PLEKHG1: variants seen among roughly 807,000 people sequenced by gnomAD.
PLEKHG1 encodes pleckstrin homology domain-containing family G member 1.
A neutral mutation model predicts 100.8 loss-of-function variants in PLEKHG1; 44 were observed. The observed-to-expected ratio is 0.44, with a 90% confidence interval of 0.34 to 0.56. The LOEUF (loss-of-function observed/expected upper bound fraction) is 0.56. Ranked by LOEUF, PLEKHG1 falls within the 20% of genes least tolerant of loss-of-function variation. The pLI is 0.01. For missense variants in PLEKHG1, 1,545 were observed against 1,720.9 expected (o/e 0.90, Z 1.81); for synonymous variants, 640 against 662.5 (o/e 0.97, Z 0.52).
intron 7 of PLEKHG1, among the ~76,000 whole-genome samples, 157 bp downstream of exon 8, chr6:150,804,898 A>C (rs1786965773): frequency 6.6e-6 from 1 of 151,364 alleles, no homozygotes; most frequent in African/African-American, 2.4e-5. Context: ...AATACCCATC[A>C]TTGTCTAGTA....
chr6:150,700,892 C>T (rs892935410), intron 3 of PLEKHG1, among the ~76,000 whole-genome samples: 4 of 152,288 alleles, frequency 2.6e-5, no homozygotes, highest in South Asian at 2.1e-4. Context: ...GGGTACTTCC[C>T]TCTCTCTCTA....
chr6:150,816,949 T>C (rs1775995913), intron 10 of PLEKHG1, among the ~76,000 whole-genome samples: 1 of 152,176 alleles, frequency 6.6e-6, no homozygotes, highest in Non-Finnish European at 1.5e-5. Context: ...TATGAGTATC[T>C]AATGCTGCCA....
chr6:150,723,180 G>A (rs538598152), intron 1 of PLEKHG1, among the ~76,000 whole-genome samples: 33 of 152,142 alleles, frequency 2.2e-4, no homozygotes, highest in Non-Finnish European at 1.8e-4. Flanking sequence ...ACTTGGAGAA[G>A]TCACCTAGTC....
intron 14 of PLEKHG1, among the ~76,000 whole-genome samples, chr6:150,825,005 T>C (rs1776517303): frequency 6.6e-6 from 1 of 152,136 alleles, no homozygotes; most frequent in African/African-American, 2.4e-5. Flanking sequence ...TCCCTGCTCT[T>C]CAAAGCAGCC....
chr6:150,744,016 A>G (rs1232954456), intron 2 of PLEKHG1, among the ~76,000 whole-genome samples: 4 of 152,182 alleles, frequency 2.6e-5, no homozygotes, highest in Non-Finnish European at 4.4e-5. Flanking sequence ...AGTTTGTAAG[A>G]AAACTGAATG....
intron 3 of PLEKHG1, among the ~76,000 whole-genome samples, chr6:150,696,495 C>T (rs1209186527): frequency 6.6e-6 from 1 of 152,180 alleles, no homozygotes; most frequent in African/African-American, 2.4e-5. Flanking sequence ...GGCACGCACG[C>T]ACTTTCTCCC....
chr6:150,751,613 C>G (rs1783514331), intron 2 of PLEKHG1, among the ~76,000 whole-genome samples: 1 of 152,202 alleles, frequency 6.6e-6, no homozygotes, highest in Non-Finnish European at 1.5e-5. Flanking sequence ...TCACTAAGAG[C>G]CTATTTACCC....
chr6:150,702,557 G>GGGGTGTGTGT (rs1554261632), intron 3 of PLEKHG1, among the ~76,000 whole-genome samples: 82 of 142,916 alleles, frequency 5.7e-4, no homozygotes, highest in Middle Eastern at 3.5e-3. Context: ...TTTGTTTTGG[G>GGGGTGTGTGT]GTGTGTGTGT....
chr6:150,837,748 ATAT>A lies in PLEKHG1; in HGVS notation c.3095-2081_3095-2079del, dbSNP rs1777306597. Among the ~76,000 whole-genome samples, 3 of 152,386 alleles carry A rather than the reference ATAT, an allele frequency of 2.0e-5. No homozygotes were observed. In the South Asian group the frequency reaches 6.2e-4, roughly 32 times the overall value. On this transcript the variant is annotated intron_variant, in intron 15 of 15. Coordinates refer to ENST00000358517, the Ensembl canonical transcript of PLEKHG1. ...TTGATTGGGTTTCATAGTTAATGAA[ATAT>A]TATAGTTTCAGGATGGCTACCATGG...
At chr6:150,798,214 T>A (rs968207081) in intron 5 of PLEKHG1, among the ~76,000 whole-genome samples, 2 of 152,040 alleles carry the variant, frequency 1.3e-5, no homozygotes, top group African/African-American at 4.8e-5. Context: ...TCAGCCCTCA[T>A]CTTCTCCACA....
At position 150,771,858 on chromosome 6, in the gene PLEKHG1, C is replaced by CT. The variant is rs1477605582; in HGVS notation, c.512+3126dup. ...CTGAAAAATTCAACTGACTAGGTTT[C>CT]TTTTTTCAGTAAAGATTTCCAAAAT... On this transcript the variant is annotated intron_variant, in intron 3 of 15. Coordinates refer to ENST00000358517, the Ensembl canonical transcript of PLEKHG1. 2.0e-5 allele frequency among the ~76,000 whole-genome samples: 3 copies of CT among 152,204 alleles called. No homozygotes were observed. In the East Asian group the frequency reaches 5.8e-4, roughly 29 times the overall value.
In PLEKHG1 at chr6:150,813,846, T is replaced by A. The variant is rs147482021; in HGVS notation, c.1278+4112T>A. Among the ~76,000 whole-genome samples, 1,194 of 152,050 alleles carry A rather than the reference T, an allele frequency of 7.9e-3. 18 individuals carry two copies. The highest frequency in any genetic ancestry group is 0.028 in the African/African-American group (1,144 of 41,444). ...GTGGTCAAGGAACTAGGGTGGTGGG[T>A]GGATTATTCACATGGATGGTGAAAC... On this transcript the variant is annotated intron_variant, in intron 10 of 15. Transcript: ENST00000358517.
intron 3 of PLEKHG1, among the ~76,000 whole-genome samples, chr6:150,678,063 C>CATAT (rs201616866): frequency 0.18 from 10,687 of 59,694 alleles, 1,274 homozygotes; most frequent in East Asian, 0.22. Context: ...TGTTTTGATG[C>CATAT]ATATATATAT....
At chr6:150,759,766 A>C (rs991030648) in intron 2 of PLEKHG1, among the ~76,000 whole-genome samples, 2 of 152,170 alleles carry the variant, frequency 1.3e-5, no homozygotes, top group Admixed American at 6.5e-5. Flanking sequence ...GCACTTTGGG[A>C]GGCTGAGGTG....
At chr6:150,813,475 T>C (rs1340055410) in intron 10 of PLEKHG1, among the ~76,000 whole-genome samples, 3 of 148,136 alleles carry the variant, frequency 2.0e-5, no homozygotes, top group Non-Finnish European at 4.5e-5. Flanking sequence ...GTGTGTGGGT[T>C]CCTCCAGGTT....
chr6:150,832,347 C>T, intron 15 of PLEKHG1, 142 bp downstream of exon 16: 3 of 665,954 alleles, frequency 4.5e-6, no homozygotes, highest in South Asian at 4.2e-5. Context: ...ACAGACAAAG[C>T]CATACTGGCC....
chr6:150,730,541 G>A (rs1040831296), intron 1 of PLEKHG1, among the ~76,000 whole-genome samples: 12 of 152,080 alleles, frequency 7.9e-5, no homozygotes, highest in Non-Finnish European at 1.8e-4. Context: ...CTTGCCCATC[G>A]CTCACTTCCT....
chr6:150,691,304 T>C (rs2128593610), intron 3 of PLEKHG1, among the ~76,000 whole-genome samples: 1 of 152,330 alleles, frequency 6.6e-6, no homozygotes, highest in East Asian at 1.9e-4. Flanking sequence ...CTGGTATTTT[T>C]ATATTTAAGT....
chr6:150,607,497 A>G (rs1023440214), intron 1 of PLEKHG1, among the ~76,000 whole-genome samples: 1 of 152,226 alleles, frequency 6.6e-6, no homozygotes, highest in African/African-American at 2.4e-5. Context: ...CTAAAGTATT[A>G]GAGCTGCATC....
Sources: gnomAD v4.1 joint callset for allele counts (sites outside exome capture counted in the v4.1 genomes callset) on GRCh38, gnomAD v4.1.1 for gene constraint, MANE v1.5 for transcripts, NCBI Gene and HGNC (gene_info 2026-07-23, HGNC 2026-07-21) for gene names.